The following BRINP1 variants were observed in gnomAD, a reference collection of about 807,000 sequenced individuals.
The protein encoded by BRINP1 is BMP/retinoic acid-inducible neural-specific protein 1.
A neutral mutation model predicts 72.9 loss-of-function variants in BRINP1; 17 were observed. The ratio of observed to expected loss-of-function variants is 0.23; its 90% CI spans 0.16 to 0.35. The LOEUF is 0.35. BRINP1 is among the 10% of genes least tolerant of loss of function. The probability of loss-of-function intolerance (pLI) is 1.00; values close to 1 mark genes in which losing one functional copy is unlikely to be tolerated. For synonymous variants in BRINP1, 418 were observed against 378.5 expected (o/e 1.10, Z -1.21); for missense variants, 850 against 1,001.6 (o/e 0.85, Z 2.04).
At chr9:119,274,216 G>A (rs1830632517) in intron 2 of BRINP1, among the ~76,000 whole-genome samples, 2 of 152,118 alleles carry the variant, frequency 1.3e-5, no homozygotes, top group Admixed American at 1.3e-4. Flanking sequence ...TCTCTAAATG[G>A]CAGTTGTTTC....
intron 1 of BRINP1, among the ~76,000 whole-genome samples, chr9:119,350,432 G>A (rs937677708): frequency 2.0e-5 from 3 of 152,002 alleles, no homozygotes; most frequent in Non-Finnish European, 4.4e-5. Context: ...CTAAGTTGCC[G>A]CTCTCTATCT....
chr9:119,271,432 T>G (rs916085003), intron 2 of BRINP1, among the ~76,000 whole-genome samples: 1 of 152,170 alleles, frequency 6.6e-6, no homozygotes, highest in Non-Finnish European at 1.5e-5. Flanking sequence ...GATTATATTA[T>G]GCAACTATCA....
chr9:119,334,713 T>C (rs932231076), intron 1 of BRINP1, among the ~76,000 whole-genome samples: 3 of 150,436 alleles, frequency 2.0e-5, no homozygotes, highest in African/African-American at 4.9e-5. Flanking sequence ...CCAAGAATCA[T>C]AGTACTTGTC....
chr9:119,197,333 T>C (rs1829748957), intron 7 of BRINP1, among the ~76,000 whole-genome samples: 1 of 152,204 alleles, frequency 6.6e-6, no homozygotes, highest in African/African-American at 2.4e-5. Flanking sequence ...TCTTGCAGCA[T>C]TTCCCTTTGC....
intron 5 of BRINP1, among the ~76,000 whole-genome samples, chr9:119,220,604 T>C (rs1055973536): frequency 6.6e-6 from 1 of 151,596 alleles, no homozygotes; most frequent in African/African-American, 2.4e-5. Flanking sequence ...TACTCAGATA[T>C]TGAAAACTAA....
At chr9:119,357,511 G>C (rs375743284) in intron 1 of BRINP1, among the ~76,000 whole-genome samples, 4 of 152,116 alleles carry the variant, frequency 2.6e-5, no homozygotes, top group African/African-American at 9.7e-5. Context: ...TTGAACTAAG[G>C]GTGCAGATAA....
intron 7 of BRINP1, among the ~76,000 whole-genome samples, chr9:119,195,212 AC>A (rs994882019): frequency 2.4e-4 from 37 of 152,006 alleles, no homozygotes; most frequent in African/African-American, 8.2e-4. Context: ...TGTCTTGCTC[AC>A]CCCCCTACCA....
chr9:119,269,005 A>T (rs1487323257), intron 2 of BRINP1, among the ~76,000 whole-genome samples: 2 of 152,206 alleles, frequency 1.3e-5, no homozygotes, highest in Non-Finnish European at 2.9e-5. Context: ...TGCTTCTCAC[A>T]GCTGTGTGAC....
intron 2 of BRINP1, among the ~76,000 whole-genome samples, chr9:119,263,816 G>T (rs1208600503): frequency 6.6e-6 from 1 of 151,888 alleles, no homozygotes. Flanking sequence ...CACCGTGTTA[G>T]CCAGGATGGT....
At chr9:119,208,314 C>T (rs375270329) in intron 7 of BRINP1, among the ~76,000 whole-genome samples, 25 of 152,166 alleles carry the variant, frequency 1.6e-4, no homozygotes, top group South Asian at 4.2e-4. Flanking sequence ...AATAAGGTGG[C>T]GAATGATTAA....
intron 1 of BRINP1, among the ~76,000 whole-genome samples, chr9:119,342,571 A>C (rs1291257962): frequency 6.6e-6 from 1 of 152,212 alleles, no homozygotes; most frequent in African/African-American, 2.4e-5. Context: ...CTAAGCCTCC[A>C]TTTATGTCTC....
intron 5 of BRINP1, among the ~76,000 whole-genome samples, chr9:119,236,693 T>A (rs1830194626): frequency 6.6e-6 from 1 of 152,206 alleles, no homozygotes; most frequent in Non-Finnish European, 1.5e-5. Flanking sequence ...AGGTATCGCA[T>A]GAACTAACAC....
intron 2 of BRINP1, among the ~76,000 whole-genome samples, chr9:119,261,827 T>TTTC (rs984234802): frequency 2.0e-5 from 3 of 151,734 alleles, no homozygotes; most frequent in South Asian, 4.2e-4. Context: ...TCGTTTATTC[T>TTTC]TTCTTCTTTC....
intron 2 of BRINP1, among the ~76,000 whole-genome samples, chr9:119,291,849 A>G (rs1830825100): frequency 6.6e-6 from 1 of 152,216 alleles, no homozygotes; most frequent in South Asian, 2.1e-4. Flanking sequence ...GAACAGCATA[A>G]TAGGTACAGC....
At chr9:119,218,168 G>A (rs559268224) in intron 5 of BRINP1, among the ~76,000 whole-genome samples, 1 of 151,260 alleles carries the variant, frequency 6.6e-6, no homozygotes, top group African/African-American at 2.4e-5. Context: ...CAAGCCCAGT[G>A]TAGGCTCCAG....
intron 5 of BRINP1, among the ~76,000 whole-genome samples, chr9:119,214,675 T>C (rs1415266428): frequency 6.6e-6 from 1 of 151,388 alleles, no homozygotes; most frequent in Non-Finnish European, 1.5e-5. Flanking sequence ...CATCATAACA[T>C]GGCTTTATAG....
At chr9:119,308,636 A>G (rs1831024588) in intron 2 of BRINP1, among the ~76,000 whole-genome samples, 1 of 152,218 alleles carries the variant, frequency 6.6e-6, no homozygotes, top group Admixed American at 6.5e-5. Flanking sequence ...TTATCAGGAC[A>G]ACAGAGGAGG....
chr9:119,172,888 T>C lies in BRINP1; in HGVS notation c.1146-4664A>G, dbSNP rs1191183958. On this transcript the variant is annotated intron_variant, in intron 7 of 7. Coordinates refer to ENST00000265922, the MANE Select transcript of BRINP1 (RefSeq NM_014618.3). The stretch of plus-strand genomic sequence containing the variant: ...AGAGACAAAGACAAAAACCACATGA[T>C]TATCTCCATAGATGCAGAAAAAGCC... 4.0e-5 allele frequency among the ~76,000 whole-genome samples: 6 copies of C among 148,926 alleles called. 1 individual carries two copies. The highest frequency in any genetic ancestry group is 2.0e-4 in the Admixed American group (3 of 14,994).
chr9:119,343,083 AT>A (rs569099563), intron 1 of BRINP1, among the ~76,000 whole-genome samples: 149 of 152,342 alleles, frequency 9.8e-4, no homozygotes, highest in African/African-American at 3.4e-3. Context: ...AGCATGCACT[AT>A]AATGCTTCCA....
Sources: allele counts gnomAD v4.1 joint callset (sites outside exome capture counted in the v4.1 genomes callset), GRCh38; gene constraint gnomAD v4.1.1; transcripts MANE v1.5; gene names NCBI Gene and HGNC (gene_info 2026-07-23, HGNC 2026-07-21).